Variants in PDE4D observed in about 807,000 individuals in gnomAD.
The protein encoded by PDE4D is 3',5'-cyclic-AMP phosphodiesterase 4D.
A neutral mutation model predicts 87.4 loss-of-function variants in PDE4D; 24 were observed. That is an observed-to-expected ratio of 0.27 (90% CI 0.20 to 0.39). The LOEUF (loss-of-function observed/expected upper bound fraction) is 0.39, where lower values mean the gene tolerates loss of function less well. PDE4D is among the 10% of genes least tolerant of loss of function. The pLI is 1.00. For missense variants in PDE4D, 714 were observed against 1,041.0 expected (o/e 0.69, Z 4.32); for synonymous variants, 384 against 383.2 (o/e 1.00, Z -0.02).
At chr5:59,850,359 C>T (rs555237748) in intron 1 of PDE4D, among the ~76,000 whole-genome samples, 9 of 152,070 alleles carry the variant, frequency 5.9e-5, no homozygotes, top group Middle Eastern at 3.4e-3. Flanking sequence ...TTATGCACAT[C>T]GGGTTAGGAG....
intron 1 of PDE4D, among the ~76,000 whole-genome samples, chr5:60,459,222 G>A (rs768511516): frequency 1.1e-4 from 16 of 152,150 alleles, no homozygotes; most frequent in Non-Finnish European, 2.1e-4. Flanking sequence ...TCATCATTAG[G>A]AGATAATTTA....
At chr5:60,048,079 T>G (rs1214930568) in intron 2 of PDE4D, among the ~76,000 whole-genome samples, 10 of 152,146 alleles carry the variant, frequency 6.6e-5, no homozygotes, top group Non-Finnish European at 1.2e-4. Flanking sequence ...TTTAGGATAG[T>G]TAGCTCTTCT....
chr5:59,120,888 T>C (rs1004147092), intron 5 of PDE4D, among the ~76,000 whole-genome samples: 2 of 152,302 alleles, frequency 1.3e-5, no homozygotes, highest in South Asian at 2.1e-4. Flanking sequence ...AGTGGACTGA[T>C]AGATTTAGAG....
At chr5:59,150,160 A>G (rs974965607) in intron 5 of PDE4D, among the ~76,000 whole-genome samples, 1 of 152,196 alleles carries the variant, frequency 6.6e-6, no homozygotes, top group Non-Finnish European at 1.5e-5. Context: ...GAGGAGGAAT[A>G]TGAGGATAAG....
chr5:59,208,703 A>C (rs1204350098), intron 2 of PDE4D, among the ~76,000 whole-genome samples: 8 of 152,232 alleles, frequency 5.3e-5, no homozygotes. Flanking sequence ...CAAGGATTGA[A>C]GAAACTTGTT....
chr5:59,126,585 T>C (rs1223702987), intron 5 of PDE4D, among the ~76,000 whole-genome samples: 1 of 152,264 alleles, frequency 6.6e-6, no homozygotes, highest in Non-Finnish European at 1.5e-5. Context: ...GAATCATTAC[T>C]GTGCATATCT....
intron 3 of PDE4D, among the ~76,000 whole-genome samples, chr5:59,971,363 A>T (rs867313924): frequency 6.9e-6 from 1 of 145,880 alleles, no homozygotes; most frequent in East Asian, 2.0e-4. Context: ...ATAATAATAA[A>T]AAATAAATAA....
intron 2 of PDE4D, among the ~76,000 whole-genome samples, chr5:60,002,018 T>A (rs1764070363): frequency 6.6e-6 from 1 of 151,462 alleles, no homozygotes; most frequent in Non-Finnish European, 1.5e-5. Context: ...CAGAAAGCAA[T>A]TTTTTAAATG....
chr5:60,073,148 T>C (rs1772913633), intron 2 of PDE4D, among the ~76,000 whole-genome samples: 1 of 152,178 alleles, frequency 6.6e-6, no homozygotes. Context: ...GGCTGTGGAT[T>C]TGTCATAGAT....
At chr5:59,871,734 A>G (rs1229682588) in intron 1 of PDE4D, among the ~76,000 whole-genome samples, 1 of 152,120 alleles carries the variant, frequency 6.6e-6, no homozygotes, top group Non-Finnish European at 1.5e-5. Context: ...TGTTTTCATT[A>G]CCTACACCCT....
At chr5:59,490,730 T>G (rs1315042070) in intron 1 of PDE4D, among the ~76,000 whole-genome samples, 2 of 152,230 alleles carry the variant, frequency 1.3e-5, no homozygotes, top group Non-Finnish European at 2.9e-5. Context: ...ATCTTGTTCC[T>G]TTGATGTGGT....
At chr5:59,192,740 T>C (rs1199436026) in intron 3 of PDE4D, among the ~76,000 whole-genome samples, 1 of 152,224 alleles carries the variant, frequency 6.6e-6, no homozygotes, top group East Asian at 1.9e-4. Flanking sequence ...CCGCCCTTAG[T>C]TGTCTATACC....
At chr5:60,088,920 G>A (rs1451745989) in intron 2 of PDE4D, among the ~76,000 whole-genome samples, 2 of 151,986 alleles carry the variant, frequency 1.3e-5, no homozygotes, top group African/African-American at 4.8e-5. Flanking sequence ...CTGTCTACAA[G>A]AAACTCACTT....
At chr5:59,856,710 A>C (rs1745497348) in intron 1 of PDE4D, among the ~76,000 whole-genome samples, 1 of 152,206 alleles carries the variant, frequency 6.6e-6, no homozygotes, top group Non-Finnish European at 1.5e-5. Flanking sequence ...ATGGGGAAGC[A>C]ATGCAGAAGC....
chr5:59,627,922 A>T (rs533692112), intron 1 of PDE4D, among the ~76,000 whole-genome samples: 4 of 152,258 alleles, frequency 2.6e-5, no homozygotes, highest in African/African-American at 9.6e-5. Context: ...CCCATATTTT[A>T]TCCTCAAGTA....
At chr5:59,354,867 G>A (rs1194485803) in intron 1 of PDE4D, among the ~76,000 whole-genome samples, 1 of 152,204 alleles carries the variant, frequency 6.6e-6, no homozygotes, top group Non-Finnish European at 1.5e-5. Context: ...TAACCTCAAA[G>A]AGTTTGCAGT....
At chr5:59,232,992 G>A (rs1225110352) in intron 1 of PDE4D, among the ~76,000 whole-genome samples, 5 of 152,056 alleles carry the variant, frequency 3.3e-5, no homozygotes, top group African/African-American at 1.2e-4. Flanking sequence ...AAAAAAAGTT[G>A]ATATCATGAA....
At chr5:60,061,993 G>A (rs544612815) in intron 2 of PDE4D, among the ~76,000 whole-genome samples, 52 of 152,200 alleles carry the variant, frequency 3.4e-4, no homozygotes, top group African/African-American at 1.1e-3. Flanking sequence ...TCCCATTCAC[G>A]ACATAGGCAT....
chr5:59,175,030 G>T (rs990481981), intron 5 of PDE4D, among the ~76,000 whole-genome samples: 1 of 152,196 alleles, frequency 6.6e-6, no homozygotes, highest in Non-Finnish European at 1.5e-5. Flanking sequence ...GCTGCAGAAT[G>T]CTTGCCTTGA....
Sources: gnomAD v4.1 joint callset for allele counts (sites outside exome capture counted in the v4.1 genomes callset) on GRCh38, gnomAD v4.1.1 for gene constraint, MANE v1.5 for transcripts, NCBI Gene and HGNC (gene_info 2026-07-23, HGNC 2026-07-21) for gene names.